Variants in CENPP observed in about 807,000 individuals in gnomAD.
CENPP encodes the protein centromere protein P.
In CENPP, 24 loss-of-function variants were observed where a neutral mutation model predicts 35.6. The observed-to-expected ratio is 0.67, with a 90% CI of 0.49 to 0.95. The LOEUF (loss-of-function observed/expected upper bound fraction) is 0.95, where lower values mean the gene tolerates loss of function less well. Ranked by LOEUF, CENPP falls within the 40% of genes least tolerant of loss-of-function variation. The pLI is 0.00. For synonymous variants in CENPP, 120 were observed against 125.5 expected, an observed-to-expected ratio of 0.96 and a Z score of 0.29; for missense variants, 332 against 345.3, an observed-to-expected ratio of 0.96 and a Z score of 0.31.
intron 5 of CENPP, among the ~76,000 whole-genome samples, chr9:92,416,065 TA>T (rs1564309093): frequency 3.1e-5 from 3 of 97,974 alleles, no homozygotes; most frequent in African/African-American, 8.8e-5. Context: ...TGTGTATATA[TA>T]TATATTTATT....
At chr9:92,469,211 T>C (rs1248574775) in intron 5 of CENPP, among the ~76,000 whole-genome samples, 1 of 151,774 alleles carries the variant, frequency 6.6e-6, no homozygotes, top group Non-Finnish European at 1.5e-5. Context: ...TAGTGAGACC[T>C]AACTTATAAA....
intron 5 of CENPP, among the ~76,000 whole-genome samples, chr9:92,392,754 G>A (rs1337994222): frequency 6.6e-6 from 1 of 152,194 alleles, no homozygotes; most frequent in Non-Finnish European, 1.5e-5. Flanking sequence ...AAACATTGTG[G>A]TTGGAGAAGC....
intron 4 of CENPP, among the ~76,000 whole-genome samples, chr9:92,363,304 T>C (rs1841808201): frequency 6.6e-6 from 1 of 152,166 alleles, no homozygotes; most frequent in Admixed American, 6.5e-5. Context: ...TGTGCACAAA[T>C]AGTCATGTGC....
chr9:92,420,634 T>A (rs1025973301), intron 5 of CENPP, among the ~76,000 whole-genome samples: 4 of 152,192 alleles, frequency 2.6e-5, no homozygotes, highest in Non-Finnish European at 4.4e-5. Context: ...TTTTGGGTGA[T>A]GACCTTGCTT....
At chr9:92,453,255 C>T (rs1454939986) in intron 5 of CENPP, among the ~76,000 whole-genome samples, 1 of 152,098 alleles carries the variant, frequency 6.6e-6, no homozygotes, top group Non-Finnish European at 1.5e-5. Context: ...AAATTTCCCT[C>T]TACACACTGC....
intron 5 of CENPP, among the ~76,000 whole-genome samples, chr9:92,527,818 G>A (rs1172390310): frequency 1.3e-5 from 2 of 152,078 alleles, no homozygotes; most frequent in Non-Finnish European, 2.9e-5. Context: ...CCTAAGTACA[G>A]ATGTCACTAA....
intron 5 of CENPP, among the ~76,000 whole-genome samples, chr9:92,604,669 G>A (rs773708810): frequency 4.6e-5 from 7 of 151,994 alleles, no homozygotes; most frequent in South Asian, 4.2e-4. Flanking sequence ...ATCTCAGCTC[G>A]CTGCAACCTC....
intron 4 of CENPP, among the ~76,000 whole-genome samples, chr9:92,367,882 C>G (rs1320980440): frequency 1.3e-5 from 2 of 152,238 alleles, no homozygotes; most frequent in Non-Finnish European, 2.9e-5. Context: ...GCCCAAAGCA[C>G]TGGGATTGCA....
In CENPP at chr9:92,619,621, C is replaced by A. The variant is rs1329569793; in HGVS notation, c.*6472C>A. On this transcript the variant is annotated 3_prime_UTR_variant, in exon 8 of 8. Coordinates refer to ENST00000375587, the MANE Select transcript of CENPP (RefSeq NM_001012267.3). ...CACACAGGAAGCCTCTGCCCCCCCA[C>A]ACAACCTTCCTTCCCAGTAGCCAAG... 2.1e-6 allele frequency: 3 copies of A among 1,437,336 alleles called. No individual in the cohort carries two copies. Among genetic ancestry groups the A allele is most frequent in the Non-Finnish European group, 2.9e-6 (3 of 1,044,722 alleles). The allele number at this position is 1,437,336 out of a possible 1,614,324, so 89.0% of individuals were successfully genotyped here.
At chr9:92,575,997 A>G (rs1015347513) in intron 5 of CENPP, among the ~76,000 whole-genome samples, 3 of 152,182 alleles carry the variant, frequency 2.0e-5, no homozygotes, top group Admixed American at 6.6e-5. Context: ...CACTGATTTC[A>G]CCTGAGGTAC....
Position 92,563,802 on chromosome 9 carries a change from TC to T in CENPP, c.565-47510del, listed in dbSNP as rs1346452240. ...CTACCCCTCTTCCTCCTCCTCCTCC[TC>T]CTCCCAAAGTGGGGTGGTGTGAACA... On this transcript the variant is annotated intron_variant, in intron 5 of 7. Transcript: ENST00000375587. Among the ~76,000 whole-genome samples the T allele has an allele frequency of 1.6e-4, 21 of 134,942 alleles. No homozygotes were observed. In the East Asian group the frequency reaches 5.1e-3, roughly 33 times the overall value. 88.5% of individuals were successfully genotyped at this position (134,942 alleles called of 152,430 possible). A position where few individuals can be genotyped will look rare whatever the true frequency, so the allele number is the denominator to read the frequency against.
At chr9:92,601,984 A>C (rs547005599) in intron 5 of CENPP, among the ~76,000 whole-genome samples, 1 of 152,222 alleles carries the variant, frequency 6.6e-6, no homozygotes, top group Admixed American at 6.5e-5. Flanking sequence ...CAACGAGCCC[A>C]GGTCCTGGTT....
intron 5 of CENPP, among the ~76,000 whole-genome samples, chr9:92,486,554 C>A (rs1447195876): frequency 6.6e-6 from 1 of 152,192 alleles, no homozygotes; most frequent in African/African-American, 2.4e-5. Flanking sequence ...GTAGGCCCTC[C>A]ATGGTTCTCT....
At chr9:92,370,052 T>C (rs72752419) in intron 4 of CENPP, among the ~76,000 whole-genome samples, 4,673 of 152,298 alleles carry the variant, frequency 0.031, 114 homozygotes, top group South Asian at 0.084. Flanking sequence ...ATCAAATGCT[T>C]TTTCTGCATC....
At chr9:92,471,802 G>C (rs1460481714) in intron 5 of CENPP, among the ~76,000 whole-genome samples, 1 of 151,850 alleles carries the variant, frequency 6.6e-6, no homozygotes, top group Admixed American at 6.6e-5. Context: ...GAGTAGCTAG[G>C]ATGTGTACCA....
chr9:92,413,373 T>C (rs1843499539), intron 5 of CENPP, among the ~76,000 whole-genome samples: 1 of 152,162 alleles, frequency 6.6e-6, no homozygotes, highest in Non-Finnish European at 1.5e-5. Context: ...GTATGAAGGC[T>C]CCAATTTTTC....
intron 5 of CENPP, among the ~76,000 whole-genome samples, chr9:92,551,404 C>A (rs1247013400): frequency 6.6e-6 from 1 of 152,126 alleles, no homozygotes; most frequent in Admixed American, 6.5e-5. Context: ...GTGGCACAAC[C>A]ATGGCTTACT....
intron 4 of CENPP, among the ~76,000 whole-genome samples, chr9:92,346,029 C>G (rs1192641296): frequency 6.6e-6 from 1 of 152,090 alleles, no homozygotes; most frequent in Non-Finnish European, 1.5e-5. Flanking sequence ...AAAAAAGACA[C>G]AATCCTCAGT....
At chr9:92,348,393 C>CTTT (rs201975799) in intron 4 of CENPP, among the ~76,000 whole-genome samples, 1 of 141,286 alleles carries the variant, frequency 7.1e-6, no homozygotes, top group Non-Finnish European at 1.5e-5. Flanking sequence ...CTTCCTATAA[C>CTTT]TTTTTTTTTT....
Sources: gnomAD v4.1 joint callset for allele counts (sites outside exome capture counted in the v4.1 genomes callset) on GRCh38, gnomAD v4.1.1 for gene constraint, MANE v1.5 for transcripts, NCBI Gene and HGNC (gene_info 2026-07-23, HGNC 2026-07-21) for gene names.